RAB33A: variants seen among roughly 807,000 people sequenced by gnomAD.
The protein encoded by RAB33A is ras-related protein Rab-33A.
Under a neutral mutation model 12.0 loss-of-function variants are expected in RAB33A, and 6 were observed. The observed-to-expected ratio is 0.50, with a 90% CI of 0.27 to 0.99. The LOEUF is 0.99. Among genes scored for constraint, RAB33A ranks in the 50% least tolerant of loss-of-function variants. The probability of loss-of-function intolerance (pLI) is 0.11; values close to 1 mark genes in which losing one functional copy is unlikely to be tolerated. For missense variants in RAB33A, 109 were observed against 192.0 expected (o/e 0.57, Z 2.55); for synonymous variants, 70 against 82.4 (o/e 0.85, Z 0.81).
At position 130,172,042 on chromosome X, in the gene RAB33A, C is replaced by G; in HGVS notation, c.-21C>G. 3 of 1,191,843 alleles carry G rather than the reference C, an allele frequency of 2.5e-6. No homozygotes were observed. Among genetic ancestry groups the G allele is most frequent in the Non-Finnish European group, 2.3e-6 (2 of 886,965 alleles). Reference sequence around the variant, plus strand: ...GTGGAGCCCTCAAGGGGGGTTGGGGCCCCGGTTCGGTCCGGGGGAGATGGC... The same window carrying G: ...GTGGAGCCCTCAAGGGGGGTTGGGGGCCCGGTTCGGTCCGGGGGAGATGGC... On this transcript the variant is annotated 5_prime_UTR_variant, in exon 1 of 2. Coordinates refer to ENST00000257017, the MANE Select transcript of RAB33A (RefSeq NM_004794.3).
chrX:130,171,052 A>C (rs893273106), upstream of RAB33A, among the ~76,000 whole-genome samples: 3 of 113,142 alleles, frequency 2.7e-5, no homozygotes, highest in African/African-American at 9.6e-5. Flanking sequence ...GAACATTCAG[A>C]GGATGGGTGC....
At chrX:130,114,339 C>G in the RAB33A span, among the ~76,000 whole-genome samples, 2 of 111,716 alleles carry the variant, frequency 1.8e-5, no homozygotes, top group Non-Finnish European at 1.9e-5. Context: ...AGCCCCACCC[C>G]CCTTGATGAA....
At chrX:130,129,931 A>C in the RAB33A span, 1 of 1,199,708 alleles carries the variant, frequency 8.3e-7, no homozygotes, top group Non-Finnish European at 1.1e-6. Flanking sequence ...TCTAAGCCGT[A>C]CTTCCCATCT....
Position 130,181,007 on chromosome X carries a change from C to CAAAAAAAAAAA in RAB33A, c.259-3261_259-3251dup, listed in dbSNP as rs60085312. Among the ~76,000 whole-genome samples the CAAAAAAAAAAA allele has an allele frequency of 5.3e-3, 43 of 8,129 alleles. 11 individuals carry two copies. The highest frequency in any genetic ancestry group is 0.014 in the African/African-American group (40 of 2,954). 7.1% of individuals were successfully genotyped at this position (8,129 alleles called of 115,157 possible). A position where few individuals can be genotyped will look rare whatever the true frequency, so the allele number is the denominator to read the frequency against. ...TGGGCAACAGAGCAACAGTCCATCT[C>CAAAAAAAAAAA]AAAAAAAAAAAAAAAAAAAAAAAAA... On this transcript the variant is annotated intron_variant, in intron 1 of 1. Coordinates refer to ENST00000257017, the MANE Select transcript of RAB33A (RefSeq NM_004794.3).
chrX:130,184,184 C>T (rs1349276166), intron 1 of RAB33A, 101 bp from the exon 2 acceptor site: 17 of 813,469 alleles, frequency 2.1e-5, no homozygotes, highest in Non-Finnish European at 3.0e-5. Flanking sequence ...CCACCGCACC[C>T]GTCCTGTCAC....
the RAB33A span, among the ~76,000 whole-genome samples, chrX:130,113,050 TTTTC>T: frequency 9.8e-6 from 1 of 102,130 alleles, no homozygotes; most frequent in Admixed American, 1.1e-4. Context: ...TCTTTGTGTG[TTTTC>T]TTTTTCTTTT....
chrX:130,177,117 C>T, intron 1 of RAB33A, among the ~76,000 whole-genome samples: 1 of 112,305 alleles, frequency 8.9e-6, no homozygotes, highest in Non-Finnish European at 1.9e-5. Context: ...CCCATCAGTT[C>T]GGGCCTGCCC....
chrX:130,135,901 C>A, the RAB33A span: 1 of 809,403 alleles, frequency 1.2e-6, no homozygotes, highest in Non-Finnish European at 1.8e-6. Context: ...AAGCAGTTCA[C>A]ACATTTCTAT....
the RAB33A span, among the ~76,000 whole-genome samples, chrX:130,158,670 T>C: frequency 1.7e-5 from 1 of 58,169 alleles, no homozygotes; most frequent in South Asian, 9.9e-4. Flanking sequence ...GGGCCACATA[T>C]AAAATACACT....
chrX:130,136,871 C>A, the RAB33A span: 3 of 1,006,944 alleles, frequency 3.0e-6, no homozygotes, highest in Non-Finnish European at 4.1e-6. Context: ...CAAGAACCTA[C>A]ACCCATGGTT....
the RAB33A span, among the ~76,000 whole-genome samples, chrX:130,115,655 A>AG: frequency 3.9e-5 from 3 of 76,811 alleles, no homozygotes; most frequent in African/African-American, 1.3e-4. Flanking sequence ...AAAAGAAAGA[A>AG]AGAGAGAAAG....
At chrX:130,147,955 T>C in the RAB33A span, 2 of 1,154,482 alleles carry the variant, frequency 1.7e-6, no homozygotes, top group Non-Finnish European at 2.4e-6. Flanking sequence ...AAAAATCACC[T>C]TGCACTTGTC....
At chrX:130,114,711 G>A in the RAB33A span, among the ~76,000 whole-genome samples, 3 of 112,245 alleles carry the variant, frequency 2.7e-5, no homozygotes, top group East Asian at 8.4e-4. Flanking sequence ...AGGGGCCTCT[G>A]TGTTGCCCAC....
At chrX:130,178,948 G>A (rs903022954) in intron 1 of RAB33A, among the ~76,000 whole-genome samples, 2 of 105,610 alleles carry the variant, frequency 1.9e-5, no homozygotes, top group African/African-American at 6.8e-5. Flanking sequence ...CACCGCGCCC[G>A]GCGATTTTTT....
At chrX:130,130,170 T>C in the RAB33A span, 2 of 1,211,618 alleles carry the variant, frequency 1.7e-6, no homozygotes, top group Non-Finnish European at 2.2e-6. Context: ...CCAGTTCCTG[T>C]GGCCAGCCCC....
At chrX:130,137,346 G>C in the RAB33A span, 11 of 1,156,779 alleles carry the variant, frequency 9.5e-6, no homozygotes, top group Non-Finnish European at 1.3e-5. Flanking sequence ...TGAGGGCCTC[G>C]GTGCTCAAGT....
At chrX:130,135,596 C>A in the RAB33A span, among the ~76,000 whole-genome samples, 1 of 110,524 alleles carries the variant, frequency 9.0e-6, no homozygotes, top group Non-Finnish European at 1.9e-5. Context: ...TTGTTTATGT[C>A]ATAATAGATT....
At chrX:130,120,219 G>GC in the RAB33A span, among the ~76,000 whole-genome samples, 1 of 109,994 alleles carries the variant, frequency 9.1e-6, no homozygotes, top group Non-Finnish European at 1.9e-5. Context: ...TTTTTGTTTT[G>GC]TTTTTTTGTT....
At chrX:130,171,952 G>A (rs1403632550), upstream of RAB33A, 6 of 896,589 alleles carry the variant, frequency 6.7e-6, no homozygotes, top group South Asian at 2.6e-5. Flanking sequence ...ACACACACAC[G>A]CGCGCACACA....
Sources: allele counts gnomAD v4.1 joint callset (sites outside exome capture counted in the v4.1 genomes callset), GRCh38; gene constraint gnomAD v4.1.1; transcripts MANE v1.5; gene names NCBI Gene and HGNC (gene_info 2026-07-23, HGNC 2026-07-21).